Variants in RAPGEF1 observed in about 807,000 individuals in gnomAD.
RAPGEF1 encodes CRK SH3-binding GNRP.
RAPGEF1 carries 33 observed loss-of-function variants against 143.3 expected under a neutral mutation model. That is an observed-to-expected ratio of 0.23 (90% CI 0.17 to 0.31). The LOEUF (loss-of-function observed/expected upper bound fraction) is 0.31, where lower values mean the gene tolerates loss of function less well. Ranked by LOEUF, RAPGEF1 falls within the 10% of genes least tolerant of loss-of-function variation. RAPGEF1 has a pLI of 1.00. For missense variants in RAPGEF1, 1,199 were observed against 1,645.4 expected, an observed-to-expected ratio of 0.73 and a Z score of 4.69; for synonymous variants, 629 against 676.5, an observed-to-expected ratio of 0.93 and a Z score of 1.09.
chr9:131,660,216 A>G (rs1258338664), intron 1 of RAPGEF1, among the ~76,000 whole-genome samples: 1 of 152,210 alleles, frequency 6.6e-6, no homozygotes, highest in Non-Finnish European at 1.5e-5. Flanking sequence ...CAATATTTGA[A>G]GTTTTGCAAT....
chr9:131,671,206 AGCAGCTGTATCCTCTAAGTCT>A (rs1831320540), intron 1 of RAPGEF1, among the ~76,000 whole-genome samples: 1 of 152,216 alleles, frequency 6.6e-6, no homozygotes, highest in Admixed American at 6.5e-5. Context: ...GCTCTCCCTC[AGCAGCTGTATCCTCTAAGTCT>A]CCTGGAATTG....
chr9:131,665,567 C>T (rs1356360117), intron 1 of RAPGEF1, among the ~76,000 whole-genome samples: 1 of 152,084 alleles, frequency 6.6e-6, no homozygotes, highest in Non-Finnish European at 1.5e-5. Context: ...TGTCACCCTT[C>T]TGTTTGAAAA....
chr9:131,644,260 T>G (rs1346863028), intron 3 of RAPGEF1, among the ~76,000 whole-genome samples: 2 of 152,148 alleles, frequency 1.3e-5, no homozygotes, highest in African/African-American at 4.8e-5. Flanking sequence ...CCTTTTGTTC[T>G]TCTCTCCAAC....
chr9:131,695,513 C>T (rs573833150), intron 1 of RAPGEF1, among the ~76,000 whole-genome samples: 80 of 152,344 alleles, frequency 5.3e-4, no homozygotes, highest in African/African-American at 1.9e-3. Flanking sequence ...TGCTGTGTTA[C>T]AGCAGAGGCC....
At chr9:131,670,011 C>T (rs916221202) in intron 1 of RAPGEF1, among the ~76,000 whole-genome samples, 1 of 152,162 alleles carries the variant, frequency 6.6e-6, no homozygotes, top group Non-Finnish European at 1.5e-5. Flanking sequence ...AGCACCACCG[C>T]AGGCACTCAA....
chr9:131,728,074 A>G (rs1836791331), intron 1 of RAPGEF1, among the ~76,000 whole-genome samples: 1 of 152,104 alleles, frequency 6.6e-6, no homozygotes. Flanking sequence ...ATTTGCAAGG[A>G]GACTACACAC....
At chr9:131,652,856 T>C (rs779754815) in intron 1 of RAPGEF1, among the ~76,000 whole-genome samples, 3 of 152,234 alleles carry the variant, frequency 2.0e-5, no homozygotes, top group Non-Finnish European at 4.4e-5. Flanking sequence ...TATCAAGTAC[T>C]ACGTACTGTA....
chr9:131,616,841 T>C (rs920688664), intron 12 of RAPGEF1, among the ~76,000 whole-genome samples: 2 of 152,190 alleles, frequency 1.3e-5, no homozygotes. Context: ...GAAGGACATG[T>C]TGGCACCGTA....
chr9:131,704,157 C>A (rs1225844435), intron 1 of RAPGEF1, among the ~76,000 whole-genome samples: 2 of 151,714 alleles, frequency 1.3e-5, no homozygotes, highest in Non-Finnish European at 2.9e-5. Context: ...TCTTGTCTTA[C>A]TTATTAGCTA....
chr9:131,614,143 C>G (rs1355685046), intron 12 of RAPGEF1, among the ~76,000 whole-genome samples: 3 of 151,870 alleles, frequency 2.0e-5, no homozygotes, highest in African/African-American at 7.3e-5. Context: ...CACCAACACC[C>G]CCCCCCAAGG....
At chr9:131,611,179 C>T (rs1373231278) in intron 12 of RAPGEF1, among the ~76,000 whole-genome samples, 2 of 152,160 alleles carry the variant, frequency 1.3e-5, no homozygotes, top group Non-Finnish European at 2.9e-5. Flanking sequence ...TGCCACTGAC[C>T]GTTTTGTCTT....
chr9:131,603,182 G>A (rs1344982224), intron 14 of RAPGEF1, among the ~76,000 whole-genome samples: 1 of 152,092 alleles, frequency 6.6e-6, no homozygotes, highest in Non-Finnish European at 1.5e-5. Context: ...CCACCTGAAC[G>A]GGTGTGACCA....
chr9:131,711,693 T>G (rs1388962773), intron 1 of RAPGEF1, among the ~76,000 whole-genome samples: 1 of 152,206 alleles, frequency 6.6e-6, no homozygotes, highest in Non-Finnish European at 1.5e-5. Context: ...GGAAAATACA[T>G]TAGCTTAGGT....
Position 131,577,397 on chromosome 9 carries a change from A to G in RAPGEF1, c.*2100T>C, listed in dbSNP as rs1414562666. The G allele has an allele frequency of 6.6e-6, 1 of 152,304 alleles. No homozygotes were observed. The highest frequency in any genetic ancestry group is 6.5e-5 in the Admixed American group (1 of 15,282). 9.4% of individuals were successfully genotyped at this position (152,304 alleles called of 1,614,324 possible). A position where few individuals can be genotyped will look rare whatever the true frequency, so the allele number is the denominator to read the frequency against. On this transcript the variant is annotated 3_prime_UTR_variant, in exon 27 of 27. Coordinates refer to ENST00000683357, the MANE Select transcript of RAPGEF1 (RefSeq NM_001377935.1). Reference sequence around the variant, plus strand: ...CCCACCTCTATCCAGCTCAAGCCCAAGAACAAGGCAGACAGAGCTGTGGAC... The same window carrying G: ...CCCACCTCTATCCAGCTCAAGCCCAGGAACAAGGCAGACAGAGCTGTGGAC...
chr9:131,614,852 A>G (rs1958668502), intron 12 of RAPGEF1, among the ~76,000 whole-genome samples: 1 of 150,490 alleles, frequency 6.6e-6, no homozygotes, highest in South Asian at 2.1e-4. Context: ...TTTTTTTTTA[A>G]ACAGATGACA....
At position 131,630,312 on chromosome 9, in the gene RAPGEF1, G is replaced by C; in HGVS notation, c.664C>G (p.Leu222Val). 1 of 1,613,830 alleles carries C rather than the reference G, an allele frequency of 6.2e-7. No homozygotes were observed. Residue 222 changes from leucine to valine, a missense_variant, in exon 6 of 27, where the codon CTC (leucine) becomes GTC (valine). This residue lies in a region of RAPGEF1 where 613 missense variants were observed against 710.9 expected (regional missense o/e 0.86). Coordinates refer to ENST00000683357, the MANE Select transcript of RAPGEF1 (RefSeq NM_001377935.1). ...VLDGVKELVR[L>V]TIEKQGRPSP... ...GGACGTCCCTGCTTCTCGATGGTGA[G>C]CCTGACCAGCTCCTACCCCCACAAG... is the stretch of plus-strand genomic sequence containing the variant.
chr9:131,656,677 C>T (rs150004139), intron 1 of RAPGEF1, among the ~76,000 whole-genome samples: 24 of 152,288 alleles, frequency 1.6e-4, no homozygotes, highest in East Asian at 5.8e-4. Context: ...ACAACTGCGC[C>T]GTCATGACCA....
chr9:131,718,470 G>T (rs1305880899), intron 1 of RAPGEF1, among the ~76,000 whole-genome samples: 2 of 152,216 alleles, frequency 1.3e-5, no homozygotes, highest in East Asian at 3.8e-4. Context: ...GGTTAGGAAG[G>T]CATGGGGCAG....
chr9:131,707,366 T>C (rs1835150213), intron 1 of RAPGEF1, among the ~76,000 whole-genome samples: 3 of 152,268 alleles, frequency 2.0e-5, no homozygotes, highest in Admixed American at 2.0e-4. Flanking sequence ...TAACACTTGT[T>C]AAACTTATCC....
Sources: gnomAD v4.1 joint callset for allele counts (sites outside exome capture counted in the v4.1 genomes callset) on GRCh38, gnomAD v4.1.1 for gene constraint, gnomAD v4.1.1 regional missense constraint, MANE v1.5 for transcripts, NCBI Gene and HGNC (gene_info 2026-07-23, HGNC 2026-07-21) for gene names.